PCDHA12: variants seen among roughly 807,000 people sequenced by gnomAD.
PCDHA12 encodes the protein protocadherin alpha 12, also known as protocadherin alpha-12.
In PCDHA12, 44 loss-of-function variants were observed where a neutral mutation model predicts 60.0. The observed-to-expected ratio is 0.73, with a 90% CI of 0.58 to 0.94. The LOEUF is 0.94. Among genes scored for constraint, PCDHA12 ranks in the 40% least tolerant of loss-of-function variants. PCDHA12 has a pLI of 0.00. For synonymous variants in PCDHA12, 569 were observed against 553.0 expected, an observed-to-expected ratio of 1.03 and a Z score of -0.40; for missense variants, 1,276 against 1,239.7, an observed-to-expected ratio of 1.03 and a Z score of -0.44.
intron 1 of PCDHA12, chr5:140,926,801 C>T: frequency 1.4e-6 from 2 of 1,451,506 alleles, no homozygotes; most frequent in Non-Finnish European, 9.0e-7. Flanking sequence ...GCGTGCTCTT[C>T]CCCGCGGCTC....
intron 3 of PCDHA12, among the ~76,000 whole-genome samples, chr5:140,998,172 T>C (rs1438782798): frequency 6.6e-6 from 1 of 152,184 alleles, no homozygotes; most frequent in Admixed American, 6.5e-5. Flanking sequence ...CCAAGTATTA[T>C]TCTAAGCACT....
intron 1 of PCDHA12, among the ~76,000 whole-genome samples, chr5:140,973,020 T>A (rs1057155557): frequency 6.6e-6 from 1 of 152,120 alleles, no homozygotes; most frequent in Non-Finnish European, 1.5e-5. Flanking sequence ...TTGTGATTGT[T>A]AATGAGTCAC....
chr5:140,955,505 C>T (rs1253768939), intron 1 of PCDHA12, among the ~76,000 whole-genome samples: 2 of 152,152 alleles, frequency 1.3e-5, no homozygotes, highest in African/African-American at 2.4e-5. Flanking sequence ...TGAAGAAAGA[C>T]GTGTTTGCTT....
At chr5:140,882,105 A>G in intron 1 of PCDHA12, 1 of 1,349,526 alleles carries the variant, frequency 7.4e-7, no homozygotes, top group Admixed American at 2.5e-5. Flanking sequence ...GTTTCCGCGA[A>G]GAAAGCCGCC....
intron 1 of PCDHA12, chr5:140,968,611 G>A: frequency 6.2e-7 from 1 of 1,614,194 alleles, no homozygotes; most frequent in African/African-American, 1.3e-5. Flanking sequence ...CAGACTCTGG[G>A]CAAAATGCTT....
intron 1 of PCDHA12, chr5:140,930,379 G>A (rs1249793792): frequency 1.3e-5 from 2 of 151,896 alleles, no homozygotes; most frequent in African/African-American, 2.4e-5. Context: ...GTGGCCCTTG[G>A]CATTTCAAAA....
chr5:140,959,753 T>C (rs1479386012), intron 1 of PCDHA12, among the ~76,000 whole-genome samples: 1 of 152,226 alleles, frequency 6.6e-6, no homozygotes. Context: ...TTAAAGTATA[T>C]TTTAATATTC....
At chr5:140,900,667 G>A (rs557447526) in intron 1 of PCDHA12, among the ~76,000 whole-genome samples, 12 of 152,222 alleles carry the variant, frequency 7.9e-5, no homozygotes, top group Non-Finnish European at 1.6e-4. Flanking sequence ...CAATGGGAGT[G>A]CAGTTATCTC....
chr5:140,934,915 A>G (rs1324840546), intron 1 of PCDHA12, among the ~76,000 whole-genome samples: 3 of 152,132 alleles, frequency 2.0e-5, no homozygotes, highest in Non-Finnish European at 4.4e-5. Context: ...ATAATTATGG[A>G]TTCACATAAA....
At chr5:140,894,904 A>G (rs1422978967) in intron 1 of PCDHA12, among the ~76,000 whole-genome samples, 1 of 152,168 alleles carries the variant, frequency 6.6e-6, no homozygotes, top group Non-Finnish European at 1.5e-5. Context: ...TAATTTTCCT[A>G]TCTTTGTTGC....
At chr5:140,883,959 C>T (rs782366148) in intron 1 of PCDHA12, 4 of 1,613,092 alleles carry the variant, frequency 2.5e-6, no homozygotes, top group Admixed American at 3.3e-5. Context: ...AACGCTCCGG[C>T]GCTGCTGACG....
At chr5:140,902,199 CTT>C (rs1290062929) in intron 1 of PCDHA12, among the ~76,000 whole-genome samples, 2 of 139,232 alleles carry the variant, frequency 1.4e-5, no homozygotes, top group Admixed American at 7.2e-5. Flanking sequence ...CTCTCTCTCT[CTT>C]TCTTTTTTTT....
chr5:140,877,686 G>T lies in PCDHA12; in HGVS notation c.2214G>T (p.Thr738=), dbSNP rs1554169986. 1 of 1,613,818 alleles carries T rather than the reference G, an allele frequency of 6.2e-7. No individual in the cohort carries two copies. Among genetic ancestry groups the T allele is most frequent in the Non-Finnish European group, 8.5e-7 (1 of 1,179,934 alleles). ...TVSRCAPGKP[T]LVCSSAVGSW... is the part of the protein sequence containing the mutation. ...GCCGGTGCGCGCCGGGCAAGCCCAC[G>T]CTGGTGTGCTCCAGCGCCGTGGGGA... The change falls in exon 1 of 4, where the codon ACG becomes ACT. Residue 738 remains threonine, a synonymous_variant. Coordinates refer to ENST00000398631, the MANE Select transcript of PCDHA12 (RefSeq NM_018903.4).
intron 1 of PCDHA12, chr5:140,882,788 C>G: frequency 6.2e-7 from 1 of 1,614,216 alleles, no homozygotes; most frequent in Non-Finnish European, 8.5e-7. Flanking sequence ...CCGACTGGAT[C>G]CCAACGATTA....
intron 1 of PCDHA12, among the ~76,000 whole-genome samples, chr5:140,879,645 G>T (rs1392592069): frequency 2.0e-5 from 3 of 152,228 alleles, no homozygotes; most frequent in Non-Finnish European, 4.4e-5. Flanking sequence ...GCTTCCTGTG[G>T]CTGCTATAAC....
chr5:140,992,822 T>G (rs560336634), intron 3 of PCDHA12, among the ~76,000 whole-genome samples: 6 of 152,240 alleles, frequency 3.9e-5, no homozygotes, highest in Admixed American at 3.3e-4. Flanking sequence ...GATGTGTTTG[T>G]TTTTTGGGAA....
At chr5:140,880,731 GAA>G (rs2058452770) in intron 1 of PCDHA12, among the ~76,000 whole-genome samples, 1 of 152,216 alleles carries the variant, frequency 6.6e-6, no homozygotes, top group Non-Finnish European at 1.5e-5. Flanking sequence ...GAAGCATAGA[GAA>G]AATGGATTGT....
At chr5:140,906,807 A>G (rs2072952420) in intron 1 of PCDHA12, among the ~76,000 whole-genome samples, 1 of 152,004 alleles carries the variant, frequency 6.6e-6, no homozygotes, top group African/African-American at 2.4e-5. Flanking sequence ...ACTCTTCCTT[A>G]CCTCCACTGT....
chr5:140,890,915 G>A (rs1169684735), intron 1 of PCDHA12, among the ~76,000 whole-genome samples: 4 of 152,116 alleles, frequency 2.6e-5, no homozygotes, highest in African/African-American at 9.7e-5. Flanking sequence ...AGAATAATTT[G>A]AGAGTTTCCT....
Sources: allele counts gnomAD v4.1 joint callset (sites outside exome capture counted in the v4.1 genomes callset), GRCh38; gene constraint gnomAD v4.1.1; transcripts MANE v1.5; gene names NCBI Gene and HGNC (gene_info 2026-07-23, HGNC 2026-07-21).